MKLN1: variants seen among roughly 807,000 people sequenced by gnomAD.
MKLN1 encodes the protein muskelin 1, also known as muskelin.
Under a neutral mutation model 99.0 loss-of-function variants are expected in MKLN1, and 18 were observed. That is an observed-to-expected ratio of 0.18 (90% CI 0.13 to 0.27). The LOEUF is 0.27. Among genes scored for constraint, MKLN1 ranks in the 10% least tolerant of loss-of-function variants. The pLI, the probability that MKLN1 is intolerant of heterozygous loss-of-function variation, is 1.00. For missense variants in MKLN1, 621 were observed against 875.9 expected (o/e 0.71, Z 3.67); for synonymous variants, 288 against 293.2 (o/e 0.98, Z 0.18).
At chr7:131,120,548 CAAAA>C (rs55945614) in intron 1 of MKLN1, among the ~76,000 whole-genome samples, 2,173 of 98,130 alleles carry the variant, frequency 0.022, 41 homozygotes, top group African/African-American at 0.058. Context: ...GACTCCCTCT[CAAAA>C]AAAAAAAAAA....
chr7:131,162,759 C>T (rs1796073637), intron 2 of MKLN1, among the ~76,000 whole-genome samples: 1 of 152,170 alleles, frequency 6.6e-6, no homozygotes, highest in African/African-American at 2.4e-5. Context: ...ACACATTGGA[C>T]TTCGAAAACT....
At chr7:131,452,853 C>G (rs1013847876) in intron 12 of MKLN1, among the ~76,000 whole-genome samples, 4 of 152,074 alleles carry the variant, frequency 2.6e-5, no homozygotes, top group Admixed American at 6.5e-5. Flanking sequence ...CCGGCCGATC[C>G]TTTTATACTT....
chr7:131,363,558 T>G (rs1265665880), intron 1 of MKLN1, among the ~76,000 whole-genome samples: 1 of 152,082 alleles, frequency 6.6e-6, no homozygotes, highest in African/African-American at 2.4e-5. Context: ...CATTTACCTA[T>G]ATCTTGGAGC....
At chr7:131,193,348 T>C (rs1742872574) in intron 2 of MKLN1, among the ~76,000 whole-genome samples, 1 of 152,148 alleles carries the variant, frequency 6.6e-6, no homozygotes, top group Non-Finnish European at 1.5e-5. Context: ...CCATCTAAAG[T>C]CACATTTTTA....
chr7:131,296,137 A>G (rs1798287946), intron 3 of MKLN1, among the ~76,000 whole-genome samples: 1 of 152,178 alleles, frequency 6.6e-6, no homozygotes, highest in Non-Finnish European at 1.5e-5. Context: ...TGATCCAGCA[A>G]TTTCATTGAA....
intron 1 of MKLN1, among the ~76,000 whole-genome samples, chr7:131,372,027 A>G (rs1793479552): frequency 6.6e-6 from 1 of 151,924 alleles, no homozygotes; most frequent in South Asian, 2.1e-4. Context: ...TTTAAATAGT[A>G]TTAATTTTTT....
chr7:131,419,477 G>A (rs1396010331), intron 8 of MKLN1, among the ~76,000 whole-genome samples: 1 of 151,778 alleles, frequency 6.6e-6, no homozygotes, highest in African/African-American at 2.4e-5. Flanking sequence ...TCTGACCTCA[G>A]GTGATCATCC....
chr7:131,413,795 T>C (rs1224139292), intron 7 of MKLN1, among the ~76,000 whole-genome samples: 2 of 152,182 alleles, frequency 1.3e-5, no homozygotes, highest in Non-Finnish European at 2.9e-5. Flanking sequence ...CACCTTGGCC[T>C]CCCAGAGTGC....
intron 1 of MKLN1, among the ~76,000 whole-genome samples, chr7:131,121,723 AT>A (rs1249137619): frequency 6.6e-6 from 1 of 151,684 alleles, no homozygotes; most frequent in Non-Finnish European, 1.5e-5. Context: ...AGAATGGACT[AT>A]CACACAGGGG....
At chr7:131,377,896 A>C (rs920617338) in intron 2 of MKLN1, among the ~76,000 whole-genome samples, 11 of 152,192 alleles carry the variant, frequency 7.2e-5, no homozygotes, top group Non-Finnish European at 1.6e-4. Context: ...TTTGTAATGA[A>C]GAAGGACTAA....
chr7:131,283,294 A>C (rs933155772), intron 3 of MKLN1, among the ~76,000 whole-genome samples: 1 of 150,472 alleles, frequency 6.6e-6, no homozygotes, highest in African/African-American at 2.5e-5. Context: ...TAGTTACAAG[A>C]GAAGGCCCTT....
intron 2 of MKLN1, among the ~76,000 whole-genome samples, chr7:131,189,618 C>G (rs924043509): frequency 5.9e-5 from 9 of 151,942 alleles, no homozygotes; most frequent in Admixed American, 1.3e-4. Flanking sequence ...GGCCTAGAGC[C>G]AGTCAGGGTC....
intron 4 of MKLN1, among the ~76,000 whole-genome samples, chr7:131,390,819 T>C (rs1355425318): frequency 1.3e-5 from 2 of 152,062 alleles, no homozygotes; most frequent in Admixed American, 1.3e-4. Flanking sequence ...CAGCCACGCA[T>C]TTCTCTCATC....
At chr7:131,356,920 G>A (rs1799901994) in intron 1 of MKLN1, among the ~76,000 whole-genome samples, 1 of 152,088 alleles carries the variant, frequency 6.6e-6, no homozygotes, top group African/African-American at 2.4e-5. Context: ...AGGTTTCAGA[G>A]CAGGAGTGCA....
intron 1 of MKLN1, among the ~76,000 whole-genome samples, chr7:131,374,060 T>A (rs896089884): frequency 3.3e-5 from 5 of 152,196 alleles, no homozygotes; most frequent in African/African-American, 1.2e-4. Context: ...CCACTTAAAT[T>A]TTTTTAGCAT....
intron 12 of MKLN1, among the ~76,000 whole-genome samples, chr7:131,447,599 C>T (rs866946483): frequency 1.3e-5 from 2 of 152,010 alleles, no homozygotes; most frequent in African/African-American, 2.4e-5. Context: ...GATGGGTCTC[C>T]CTGAAAAAGG....
At chr7:131,411,792 A>G (rs1794883074) in intron 7 of MKLN1, among the ~76,000 whole-genome samples, 1 of 151,280 alleles carries the variant, frequency 6.6e-6, no homozygotes, top group Non-Finnish European at 1.5e-5. Flanking sequence ...CTGTAATCCC[A>G]GCTACTCGGG....
At chr7:131,458,657 T>G (rs1323527839) in intron 12 of MKLN1, among the ~76,000 whole-genome samples, 1 of 152,146 alleles carries the variant, frequency 6.6e-6, no homozygotes, top group Non-Finnish European at 1.5e-5. Context: ...GCCATCTTCT[T>G]TCTTGGATTC....
chr7:131,474,864 G>A (rs1003541352), intron 16 of MKLN1, among the ~76,000 whole-genome samples: 1 of 152,294 alleles, frequency 6.6e-6, no homozygotes, highest in African/African-American at 2.4e-5. Flanking sequence ...TTAACAGGAA[G>A]CATGACTGGG....
Sources: allele counts gnomAD v4.1 joint callset (sites outside exome capture counted in the v4.1 genomes callset), GRCh38; gene constraint gnomAD v4.1.1; transcripts MANE v1.5; gene names NCBI Gene and HGNC (gene_info 2026-07-23, HGNC 2026-07-21).